The following WASHC3 variants were observed in gnomAD, a reference collection of about 807,000 sequenced individuals.
The protein encoded by WASHC3 is WASH complex subunit 3.
A neutral mutation model predicts 26.1 loss-of-function variants in WASHC3; 24 were observed. The observed-to-expected ratio is 0.92, with a 90% CI of 0.66 to 1.29. The LOEUF (loss-of-function observed/expected upper bound fraction) is 1.29, where lower values mean the gene tolerates loss of function less well. Ranked by LOEUF, WASHC3 falls within the 50% of genes most tolerant of loss-of-function variation. The pLI is 0.00. For missense variants in WASHC3, 214 were observed against 229.6 expected, an observed-to-expected ratio of 0.93 and a Z score of 0.44; for synonymous variants, 77 against 75.7, an observed-to-expected ratio of 1.02 and a Z score of -0.09.
intron 6 of WASHC3, among the ~76,000 whole-genome samples, chr12:102,021,134 T>C (rs572530385): frequency 6.6e-6 from 1 of 152,064 alleles, no homozygotes; most frequent in African/African-American, 2.4e-5. Flanking sequence ...ACCAAAACAC[T>C]AAGATTCTTG....
Position 102,050,148 on chromosome 12 carries a change from A to G in WASHC3, c.151-4029T>C, listed in dbSNP as rs140979711. ...GGCAACATAGGGAAACCCTGTCTCT[A>G]CAAAAAATACAAAAAATTAGCCAGG... On this transcript the variant is annotated intron_variant, in intron 2 of 6. Transcript: ENST00000240079. 2.9e-3 allele frequency: 984 copies of G among 335,354 alleles called. 13 individuals carry two copies. The highest frequency in any genetic ancestry group is 0.02 in the African/African-American group (901 of 45,332). The allele number at this position is 335,354 out of a possible 1,614,324, so 20.8% of individuals were successfully genotyped here.
chr12:102,050,995 AAG>A, intron 2 of WASHC3, among the ~76,000 whole-genome samples: 1 of 152,248 alleles, frequency 6.6e-6, no homozygotes, highest in Non-Finnish European at 1.5e-5. Context: ...CAATCACTGG[AAG>A]AGTTACAAAA....
intron 2 of WASHC3, among the ~76,000 whole-genome samples, chr12:102,053,132 C>T (rs1878459246): frequency 6.6e-6 from 1 of 152,032 alleles, no homozygotes; most frequent in Admixed American, 6.5e-5. Flanking sequence ...CCCAGGCCCA[C>T]CCCCACATAC....
chr12:102,058,812 A>G (rs1878692238), intron 2 of WASHC3, among the ~76,000 whole-genome samples: 1 of 152,188 alleles, frequency 6.6e-6, no homozygotes, highest in Non-Finnish European at 1.5e-5. Context: ...GTGTCCATCA[A>G]TGGATGAATG....
At chr12:102,041,503 C>A (rs1184719864) in intron 4 of WASHC3, among the ~76,000 whole-genome samples, 1 of 151,952 alleles carries the variant, frequency 6.6e-6, no homozygotes, top group Non-Finnish European at 1.5e-5. Flanking sequence ...ATTAAAGTTG[C>A]AGAAAAATCA....
intron 5 of WASHC3, among the ~76,000 whole-genome samples, chr12:102,037,932 A>G (rs1050536489): frequency 4.6e-5 from 7 of 152,004 alleles, no homozygotes; most frequent in African/African-American, 1.7e-4. Context: ...AGTAGCTGGG[A>G]TTACAGGCAT....
At chr12:102,028,228 TTAA>T (rs1233785700) in intron 5 of WASHC3, among the ~76,000 whole-genome samples, 9 of 152,236 alleles carry the variant, frequency 5.9e-5, no homozygotes, top group Middle Eastern at 3.4e-3. Context: ...CAAAACATAC[TTAA>T]TAACAAAATT....
At chr12:102,038,109 T>C (rs1372179035) in intron 5 of WASHC3, among the ~76,000 whole-genome samples, 1 of 152,186 alleles carries the variant, frequency 6.6e-6, no homozygotes, top group Non-Finnish European at 1.5e-5. Flanking sequence ...TCATTTATTT[T>C]ATATGTATAT....
At chr12:102,047,414 A>G (rs1226492646) in intron 2 of WASHC3, among the ~76,000 whole-genome samples, 1 of 152,218 alleles carries the variant, frequency 6.6e-6, no homozygotes, top group African/African-American at 2.4e-5. Flanking sequence ...CTTGATATCG[A>G]CAAAGACATA....
rs777604990 is a variant in WASHC3, at chr12:102,018,504, A to C, written c.501-5312T>G. On this transcript the variant is annotated intron_variant, in intron 6 of 6. Coordinates refer to ENST00000240079, the MANE Select transcript of WASHC3 (RefSeq NM_016053.4). ...GTTTATTTATTGGAGACAAGGTCTCATTCTGTTGCCCAGGCTGGAGTGCAG... is the reference window on the plus strand; with the variant it reads ...GTTTATTTATTGGAGACAAGGTCTCCTTCTGTTGCCCAGGCTGGAGTGCAG... 3.1e-4 allele frequency among the ~76,000 whole-genome samples: 47 copies of C among 152,190 alleles called. 1 individual carries two copies. The highest frequency in any genetic ancestry group is 5.4e-4 in the Non-Finnish European group (37 of 68,020).
Position 102,039,860 on chromosome 12 carries a change from T to C in WASHC3, c.435+8A>G. 7.3e-7 allele frequency: 1 copy of C among 1,364,924 alleles called. No homozygotes were observed. Among genetic ancestry groups the C allele is most frequent in the Non-Finnish European group, 1.0e-6 (1 of 953,820 alleles). The allele number at this position is 1,364,924 out of a possible 1,614,324, so 84.6% of individuals were successfully genotyped here. ...GCTACACAAAGAAGACAGACCAAGT[T>C]AGCTTACCACTTGAACCATTTTGAG... is the stretch of plus-strand genomic sequence containing the variant. On this transcript the variant is annotated splice_region_variant and intron_variant, in intron 5 of 6. Transcript: ENST00000240079.
rs569312047 is a variant in WASHC3, at chr12:102,044,271, T to C, written c.217-59A>G. 4 of 745,908 alleles carry C rather than the reference T, an allele frequency of 5.4e-6. No individual in the cohort carries two copies. In the African/African-American group the frequency reaches 7.2e-5, roughly 13 times the overall value. The allele number at this position is 745,908 out of a possible 1,614,324, so 46.2% of individuals were successfully genotyped here. A position where few individuals can be genotyped will look rare whatever the true frequency, so the allele number is the denominator to read the frequency against. Reference sequence around the variant, plus strand: ...ATAGTACTTGCATAAATAAACACTATTTTTAATAGCTGTCTTAAGTTTTAA... The same window carrying C: ...ATAGTACTTGCATAAATAAACACTACTTTTAATAGCTGTCTTAAGTTTTAA... On this transcript the variant is annotated intron_variant, in intron 3 of 6. Transcript: ENST00000240079.
In WASHC3 at chr12:102,046,139, G is replaced by A. The variant is rs761055809; in HGVS notation, c.151-20C>T. ...CAGTTTCTGTAAAAGAAAAATTAGAGACATAAAGACTTTAATTAAAATAAA... is the reference window on the plus strand; with the variant it reads ...CAGTTTCTGTAAAAGAAAAATTAGAAACATAAAGACTTTAATTAAAATAAA... On this transcript the variant is annotated intron_variant, in intron 2 of 6. Coordinates refer to ENST00000240079, the MANE Select transcript of WASHC3 (RefSeq NM_016053.4). 5.6e-6 allele frequency: 8 copies of A among 1,423,126 alleles called. No individual in the cohort carries two copies. The East Asian group carries it at 1.6e-4, about 29-fold the overall frequency. The allele number at this position is 1,423,126 out of a possible 1,614,324, so 88.2% of individuals were successfully genotyped here. A position where few individuals can be genotyped will look rare whatever the true frequency, so the allele number is the denominator to read the frequency against.
rs767116456 is a variant in WASHC3, at chr12:102,061,362, A to C, written c.52-16T>G. ...TAGCTGGCACCTGTGTTACGTAAAA[A>C]CAAACATGGTTCATACAGGAGGAAC... On this transcript the variant is annotated splice_polypyrimidine_tract_variant and intron_variant, in intron 1 of 6. Transcript: ENST00000240079. 1.9e-6 allele frequency: 3 copies of C among 1,558,106 alleles called. No homozygotes were observed. In the African/African-American group the frequency reaches 4.1e-5, roughly 21 times the overall value.
At chr12:102,013,632 G>A (rs1199448120) in intron 6 of WASHC3, among the ~76,000 whole-genome samples, 1 of 152,212 alleles carries the variant, frequency 6.6e-6, no homozygotes, top group East Asian at 1.9e-4. Flanking sequence ...CTTAGAAATG[G>A]AAGAGAGTTC....
intron 2 of WASHC3, among the ~76,000 whole-genome samples, chr12:102,060,956 CAAA>C (rs56001519): frequency 5.4e-3 from 300 of 55,592 alleles, no homozygotes; most frequent in Non-Finnish European, 7.7e-3. Flanking sequence ...CCCTGTCTCA[CAAA>C]AAAAAAAAAA....
chr12:102,059,359 G>A (rs1274129833), intron 2 of WASHC3, among the ~76,000 whole-genome samples: 1 of 152,042 alleles, frequency 6.6e-6, no homozygotes, highest in Non-Finnish European at 1.5e-5. Context: ...TTTGAAAAAG[G>A]ACAAAAGGCA....
chr12:102,057,685 TA>T (rs1878645424), intron 2 of WASHC3, among the ~76,000 whole-genome samples: 1 of 150,700 alleles, frequency 6.6e-6, no homozygotes. Flanking sequence ...AAAAAATACA[TA>T]GGGGTAAATT....
chr12:102,051,476 CAT>C (rs1399127428), intron 2 of WASHC3, among the ~76,000 whole-genome samples: 2 of 152,326 alleles, frequency 1.3e-5, no homozygotes, highest in African/African-American at 4.8e-5. Flanking sequence ...ATCAAACAGA[CAT>C]AGCATAGCAA....
Sources: gnomAD v4.1 joint callset for allele counts (sites outside exome capture counted in the v4.1 genomes callset) on GRCh38, gnomAD v4.1.1 for gene constraint, MANE v1.5 for transcripts, NCBI Gene and HGNC (gene_info 2026-07-23, HGNC 2026-07-21) for gene names.